The following KIAA1755 variants were observed in gnomAD, a reference collection of about 807,000 sequenced individuals.
KIAA1755 encodes KIAA1755.
In KIAA1755, 68 loss-of-function variants were observed where a neutral mutation model predicts 91.7. The ratio of observed to expected loss-of-function variants is 0.74; its 90% CI spans 0.61 to 0.91. The LOEUF (loss-of-function observed/expected upper bound fraction) is 0.91. Among genes scored for constraint, KIAA1755 ranks in the 40% least tolerant of loss-of-function variants. KIAA1755 has a pLI of 0.00. For missense variants in KIAA1755, 1,535 were observed against 1,494.4 expected (o/e 1.03, Z -0.45); for synonymous variants, 610 against 604.6 (o/e 1.01, Z -0.13).
chr20:38,237,617 G>C (rs958460098), intron 4 of KIAA1755, among the ~76,000 whole-genome samples: 7 of 151,928 alleles, frequency 4.6e-5, no homozygotes, highest in Non-Finnish European at 8.8e-5. Context: ...AGGAAGATAT[G>C]ATGATGGGGA....
chr20:38,258,143 C>T (rs1334558384), intron 1 of KIAA1755, among the ~76,000 whole-genome samples: 4 of 152,090 alleles, frequency 2.6e-5, no homozygotes, highest in African/African-American at 4.8e-5. Context: ...TCTGGTGATC[C>T]GCCAGCCTCG....
chr20:38,228,403 G>A (rs907876800), intron 5 of KIAA1755, among the ~76,000 whole-genome samples, 163 bp from the exon 6 acceptor site: 1 of 152,180 alleles, frequency 6.6e-6, no homozygotes. Context: ...GAAGCCCTCC[G>A]TGGTTCTTCT....
rs144475895 is a variant in KIAA1755 at position 38,229,104 on chromosome 20, G to A, written c.1872-864C>T. 1.2e-4 allele frequency among the ~76,000 whole-genome samples: 18 copies of A among 152,300 alleles called. No homozygotes were observed. The East Asian group carries it at 3.5e-3, about 29-fold the overall frequency. ...CTCGGCCAGTCTAATGATCAGGCAG[G>A]ATTGAAAAATAGCCCCCAACTGCCC... On this transcript the variant is annotated intron_variant, in intron 5 of 13. Transcript: ENST00000279024.
At chr20:38,233,017 G>T (rs60272264) in intron 4 of KIAA1755, among the ~76,000 whole-genome samples, 7 of 152,218 alleles carry the variant, frequency 4.6e-5, no homozygotes, top group Admixed American at 1.3e-4. Flanking sequence ...AGCTGCTCAG[G>T]AGGCTGAGGT....
chr20:38,260,509 G>T lies in KIAA1755; in HGVS notation c.-9C>A. On this transcript the variant is annotated 5_prime_UTR_variant, in exon 1 of 14. Transcript: ENST00000279024. ...CCTTGGCGCGTTACCATGGTGACGG[G>T]CTGCCAGCGGCGGGCGGCGCGGCTC... The T allele has an allele frequency of 6.8e-7, 1 of 1,480,190 alleles. No individual in the cohort carries two copies. The highest frequency in any genetic ancestry group is 8.9e-7 in the Non-Finnish European group (1 of 1,117,390). 91.7% of individuals were successfully genotyped at this position (1,480,190 alleles called of 1,614,324 possible).
chr20:38,260,424 T>C, intron 1 of KIAA1755, 74 bp downstream of exon 1: 1 of 1,577,422 alleles, frequency 6.3e-7, no homozygotes, highest in South Asian at 1.2e-5. Context: ...CCCGGGGCTG[T>C]TCTGCAGGGA....
At chr20:38,248,802 G>A (rs73283241) in intron 1 of KIAA1755, among the ~76,000 whole-genome samples, 14 of 151,708 alleles carry the variant, frequency 9.2e-5, no homozygotes, top group African/African-American at 3.1e-4. Context: ...GGGTTGAAGC[G>A]ATTCTCCTGC....
chr20:38,216,918 C>T (rs764755328), intron 13 of KIAA1755: 6 of 555,006 alleles, frequency 1.1e-5, no homozygotes, highest in South Asian at 6.1e-5. Context: ...TTTGGGGAAG[C>T]ATATAAGGCA....
At chr20:38,242,048 CATTT>C in intron 2 of KIAA1755, 119 bp from the exon 3 acceptor site, 5 of 982,760 alleles carry the variant, frequency 5.1e-6, no homozygotes, top group Non-Finnish European at 6.0e-6. Flanking sequence ...GATGAGGCAG[CATTT>C]AGGAGGCACT....
chr20:38,245,099 C>T (rs1483708494), intron 2 of KIAA1755, among the ~76,000 whole-genome samples: 2 of 152,224 alleles, frequency 1.3e-5, no homozygotes, highest in East Asian at 1.9e-4. Context: ...TTGGCCAATC[C>T]TGGTACCCCA....
At chr20:38,234,754 G>A (rs1403674475) in intron 4 of KIAA1755, among the ~76,000 whole-genome samples, 1 of 152,184 alleles carries the variant, frequency 6.6e-6, no homozygotes, top group East Asian at 1.9e-4. Flanking sequence ...CACACTGCCT[G>A]GAACAGGGCC....
intron 4 of KIAA1755, among the ~76,000 whole-genome samples, chr20:38,235,771 C>A (rs1276035880): frequency 6.6e-6 from 1 of 152,242 alleles, no homozygotes; most frequent in African/African-American, 2.4e-5. Flanking sequence ...TTTGTAATAA[C>A]TTGTTATGGC....
chr20:38,243,565 T>C (rs1220048060), intron 2 of KIAA1755, among the ~76,000 whole-genome samples: 2 of 152,388 alleles, frequency 1.3e-5, no homozygotes, highest in South Asian at 2.1e-4. Flanking sequence ...CCAGGCATTA[T>C]TATTTTCATT....
At chr20:38,217,840 C>T (rs1381565914) in intron 12 of KIAA1755, 3 of 420,006 alleles carry the variant, frequency 7.1e-6, no homozygotes, top group Admixed American at 8.1e-5. Context: ...TCCCCGCCCC[C>T]GCCCCCGCTC....
chr20:38,228,330 G>T, intron 5 of KIAA1755, 90 bp from the exon 6 acceptor site: 1 of 969,156 alleles, frequency 1.0e-6, no homozygotes, highest in Non-Finnish European at 1.5e-6. Context: ...CTGGCTGCTA[G>T]AAACCTTGAT....
Position 38,260,634 on chromosome 20 carries a change from G to T in KIAA1755, c.-134C>A. 1 of 1,109,172 alleles carries T rather than the reference G, an allele frequency of 9.0e-7. No individual in the cohort carries two copies. Among genetic ancestry groups the T allele is most frequent in the Admixed American group, 3.3e-5 (1 of 30,530 alleles). 68.7% of individuals were successfully genotyped at this position (1,109,172 alleles called of 1,614,324 possible). On this transcript the variant is annotated 5_prime_UTR_variant, in exon 1 of 14. Coordinates refer to ENST00000279024, the MANE Select transcript of KIAA1755 (RefSeq NM_001029864.2). ...AGCCAGGGGATAGGGCAGGCCCGGGGCACCGACCCCGGCGTCATCTCGGAG... is the reference window on the plus strand; with the variant it reads ...AGCCAGGGGATAGGGCAGGCCCGGGTCACCGACCCCGGCGTCATCTCGGAG...
chr20:38,253,254 C>A (rs1212401595), intron 1 of KIAA1755, among the ~76,000 whole-genome samples: 1 of 152,200 alleles, frequency 6.6e-6, no homozygotes, highest in Non-Finnish European at 1.5e-5. Flanking sequence ...TCTGGACTGA[C>A]CCAGGGAAGC....
intron 1 of KIAA1755, among the ~76,000 whole-genome samples, chr20:38,257,104 CAGA>C (rs2076352120): frequency 6.6e-6 from 1 of 152,148 alleles, no homozygotes; most frequent in Non-Finnish European, 1.5e-5. Context: ...TGCTTCCAGG[CAGA>C]AGGATGGACC....
intron 8 of KIAA1755, among the ~76,000 whole-genome samples, chr20:38,225,298 G>C (rs573180469): frequency 6.6e-6 from 1 of 152,074 alleles, no homozygotes; most frequent in Admixed American, 6.5e-5. Context: ...CACAGCGCCC[G>C]GCCCTGTAAA....
Sources: allele counts gnomAD v4.1 joint callset (sites outside exome capture counted in the v4.1 genomes callset), GRCh38; gene constraint gnomAD v4.1.1; transcripts MANE v1.5; gene names NCBI Gene and HGNC (gene_info 2026-07-23, HGNC 2026-07-21).